The following TAF1B variants were observed in gnomAD, a reference collection of about 807,000 sequenced individuals.
The protein encoded by TAF1B is TATA box-binding protein-associated factor RNA polymerase I subunit B.
A neutral mutation model predicts 83.9 loss-of-function variants in TAF1B; 61 were observed. The observed-to-expected ratio is 0.73, with a 90% CI of 0.59 to 0.90. The LOEUF is 0.90. Among genes scored for constraint, TAF1B ranks in the 40% least tolerant of loss-of-function variants. The pLI is 0.00. For missense variants in TAF1B, 625 were observed against 677.0 expected, an observed-to-expected ratio of 0.92 and a Z score of 0.85; for synonymous variants, 221 against 224.6, an observed-to-expected ratio of 0.98 and a Z score of 0.14.
At chr2:9,846,569 C>T (rs1663213324) in intron 2 of TAF1B, among the ~76,000 whole-genome samples, 1 of 152,190 alleles carries the variant, frequency 6.6e-6, no homozygotes, top group Non-Finnish European at 1.5e-5. Context: ...CCTTTGTCCC[C>T]TAAACAATGA....
At chr2:9,862,315 T>C (rs7579559) in intron 5 of TAF1B, among the ~76,000 whole-genome samples, 36,765 of 152,096 alleles carry the variant, frequency 0.24, 5,020 homozygotes, top group East Asian at 0.31. Context: ...CCTCACTAGC[T>C]GATGCAATCA....
intron 6 of TAF1B, 66 bp from the exon 7 acceptor site, chr2:9,875,799 T>G (rs1020345801): frequency 3.3e-5 from 49 of 1,476,396 alleles, no homozygotes; most frequent in Non-Finnish European, 4.3e-5. Context: ...TTAGATTTTT[T>G]GCTGTTTTTC....
intron 6 of TAF1B, chr2:9,868,688 AAAG>A (rs1393203175): frequency 8.3e-6 from 5 of 605,828 alleles, no homozygotes; most frequent in Admixed American, 6.5e-5. Context: ...GTGGATCCAG[AAAG>A]AAGGAGGCTG....
At chr2:9,886,125 T>G (rs389002) in intron 8 of TAF1B, among the ~76,000 whole-genome samples, 1 of 151,696 alleles carries the variant, frequency 6.6e-6, no homozygotes, top group Non-Finnish European at 1.5e-5. Context: ...TATTGACGTA[T>G]TCAAATGGCA....
intron 6 of TAF1B, among the ~76,000 whole-genome samples, chr2:9,869,072 C>G (rs1335988552): frequency 6.6e-6 from 1 of 152,178 alleles, no homozygotes; most frequent in Non-Finnish European, 1.5e-5. Flanking sequence ...TCTTCTCCAC[C>G]TTTTCAGACA....
At chr2:9,899,834 T>C (rs969831450) in intron 8 of TAF1B, among the ~76,000 whole-genome samples, 6 of 152,218 alleles carry the variant, frequency 3.9e-5, no homozygotes, top group African/African-American at 1.2e-4. Context: ...TTTGCAAAAT[T>C]AGGATTGAAG....
At chr2:9,879,348 G>A (rs545260203) in intron 7 of TAF1B, among the ~76,000 whole-genome samples, 3 of 152,326 alleles carry the variant, frequency 2.0e-5, no homozygotes, top group Middle Eastern at 6.8e-3. Flanking sequence ...TGAACTACAA[G>A]TAACTCATGG....
At chr2:9,911,012 G>T in intron 10 of TAF1B, 99 bp downstream of exon 10, 2 of 1,170,010 alleles carry the variant, frequency 1.7e-6, no homozygotes, top group Non-Finnish European at 1.2e-6. Context: ...TAAAAAAAGA[G>T]CTAAAGAAAA....
rs181685129 is a variant in TAF1B, at chr2:9,912,026, A to G, written c.1180+469A>G. ...ACACCTATCCACTTCACAATGCTTC[A>G]CCTCTTCCCAAATCAGAACTAATAA... is the stretch of plus-strand genomic sequence containing the variant. On this transcript the variant is annotated intron_variant, in intron 11 of 14. Transcript: ENST00000263663. Among the ~76,000 whole-genome samples the G allele has an allele frequency of 3.0e-3, 451 of 152,198 alleles. 1 individual carries two copies. Among genetic ancestry groups the G allele is most frequent in the South Asian group, 7.3e-3 (35 of 4,822 alleles).
intron 6 of TAF1B, among the ~76,000 whole-genome samples, chr2:9,870,510 T>C (rs1004823173): frequency 2.6e-5 from 4 of 152,190 alleles, no homozygotes; most frequent in Non-Finnish European, 5.9e-5. Context: ...ATTTGTAGTC[T>C]ACCTTCAGCT....
chr2:9,893,668 G>A (rs550232067), intron 8 of TAF1B, among the ~76,000 whole-genome samples: 15 of 152,166 alleles, frequency 9.9e-5, no homozygotes, highest in East Asian at 7.7e-4. Context: ...CAGCCTGGAC[G>A]ACAGAGCAAG....
intron 8 of TAF1B, among the ~76,000 whole-genome samples, chr2:9,890,712 TTAAC>T (rs1429385449): frequency 6.6e-6 from 1 of 152,218 alleles, no homozygotes; most frequent in Admixed American, 6.5e-5. Flanking sequence ...ATCAAGCTAA[TTAAC>T]ATGTCTGTCA....
At chr2:9,915,494 G>C (rs12477755) in intron 12 of TAF1B, among the ~76,000 whole-genome samples, 1 of 151,548 alleles carries the variant, frequency 6.6e-6, no homozygotes, top group Non-Finnish European at 1.5e-5. Flanking sequence ...TTGAAAAGAC[G>C]TTTTACCAAA....
At chr2:9,860,083 G>C (rs1034146993) in intron 5 of TAF1B, among the ~76,000 whole-genome samples, 1 of 152,138 alleles carries the variant, frequency 6.6e-6, no homozygotes, top group African/African-American at 2.4e-5. Flanking sequence ...AAAACAGTCA[G>C]ATCTCATGAG....
intron 12 of TAF1B, among the ~76,000 whole-genome samples, chr2:9,915,364 C>T (rs1665650563): frequency 6.6e-6 from 1 of 152,070 alleles, no homozygotes; most frequent in African/African-American, 2.4e-5. Context: ...GAATAAGAAG[C>T]TACAGACGAG....
chr2:9,893,417 A>G (rs1046659579), intron 8 of TAF1B, among the ~76,000 whole-genome samples: 2 of 137,442 alleles, frequency 1.5e-5, no homozygotes, highest in Non-Finnish European at 3.4e-5. Context: ...CAACAGGAAA[A>G]TGGAAAAAAT....
At chr2:9,917,468 T>C (rs1415220799) in intron 12 of TAF1B, among the ~76,000 whole-genome samples, 1 of 137,608 alleles carries the variant, frequency 7.3e-6, no homozygotes, top group South Asian at 2.3e-4. Flanking sequence ...TTCACAGATA[T>C]TTCTTGAGTA....
At chr2:9,862,317 A>G (rs1663799208) in intron 5 of TAF1B, among the ~76,000 whole-genome samples, 2 of 152,342 alleles carry the variant, frequency 1.3e-5, no homozygotes, top group African/African-American at 2.4e-5. Context: ...TCACTAGCTG[A>G]TGCAATCAAC....
intron 7 of TAF1B, among the ~76,000 whole-genome samples, chr2:9,876,502 A>G (rs1237827654): frequency 6.6e-6 from 1 of 152,236 alleles, no homozygotes; most frequent in Non-Finnish European, 1.5e-5. Context: ...GTAAGCGTTT[A>G]TATTTTTCAG....
Sources: gnomAD v4.1 joint callset for allele counts (sites outside exome capture counted in the v4.1 genomes callset) on GRCh38, gnomAD v4.1.1 for gene constraint, MANE v1.5 for transcripts, NCBI Gene and HGNC (gene_info 2026-07-23, HGNC 2026-07-21) for gene names.